The following SIPA1L3 variants were observed in gnomAD, a reference collection of about 807,000 sequenced individuals.
SIPA1L3 encodes signal induced proliferation associated 1 like 3.
A neutral mutation model predicts 150.1 loss-of-function variants in SIPA1L3; 59 were observed. The ratio of observed to expected loss-of-function variants is 0.39; its 90% CI spans 0.32 to 0.49. The LOEUF is 0.49. Among genes scored for constraint, SIPA1L3 ranks in the 20% least tolerant of loss-of-function variants. The pLI is 0.86. For missense variants in SIPA1L3, 2,211 were observed against 2,489.5 expected (o/e 0.89, Z 2.38); for synonymous variants, 1,070 against 1,077.6 (o/e 0.99, Z 0.14).
chr19:37,943,719 C>T (rs2046683075), intron 1 of SIPA1L3, among the ~76,000 whole-genome samples: 1 of 152,090 alleles, frequency 6.6e-6, no homozygotes, highest in Non-Finnish European at 1.5e-5. Flanking sequence ...AGGGAGCTCA[C>T]CACTCACAGG....
chr19:38,196,667 C>G (rs184711177), intron 18 of SIPA1L3, among the ~76,000 whole-genome samples: 1 of 145,146 alleles, frequency 6.9e-6, no homozygotes, highest in Non-Finnish European at 1.5e-5. Context: ...AGCAAGGAGG[C>G]CAAGGGTGGA....
chr19:38,001,144 T>G (rs1292362887), intron 1 of SIPA1L3, among the ~76,000 whole-genome samples: 1 of 151,756 alleles, frequency 6.6e-6, no homozygotes, highest in Non-Finnish European at 1.5e-5. Context: ...GAGCTTGGCT[T>G]CTGGGGAGGT....
At chr19:38,031,965 A>G (rs532689711) in intron 2 of SIPA1L3, among the ~76,000 whole-genome samples, 7 of 152,148 alleles carry the variant, frequency 4.6e-5, no homozygotes, top group Non-Finnish European at 8.8e-5. Flanking sequence ...AACAAAACAA[A>G]AATGCTACCT....
At chr19:37,952,322 G>A (rs2145555744) in intron 1 of SIPA1L3, among the ~76,000 whole-genome samples, 1 of 152,218 alleles carries the variant, frequency 6.6e-6, no homozygotes, top group South Asian at 2.1e-4. Flanking sequence ...ACTTGCAACC[G>A]AAAGAGTCCT....
chr19:37,946,427 A>G (rs1041001358), intron 1 of SIPA1L3, among the ~76,000 whole-genome samples: 1 of 152,170 alleles, frequency 6.6e-6, no homozygotes, highest in East Asian at 1.9e-4. Flanking sequence ...GCCACCATCC[A>G]TGGCCCAGAA....
chr19:38,024,999 AG>A (rs1968468574), intron 1 of SIPA1L3, among the ~76,000 whole-genome samples: 1 of 152,014 alleles, frequency 6.6e-6, no homozygotes, highest in African/African-American at 2.4e-5. Context: ...TGCCTTTCTC[AG>A]GTTTAACTTA....
intron 1 of SIPA1L3, among the ~76,000 whole-genome samples, chr19:37,913,791 CA>C (rs1324018513): frequency 1.3e-5 from 2 of 150,090 alleles, no homozygotes; most frequent in Non-Finnish European, 3.0e-5. Flanking sequence ...CTGAGGCGGG[CA>C]GATCACGAGG....
At position 38,202,036 on chromosome 19, in the gene SIPA1L3, G is replaced by A. The variant is rs749031436; in HGVS notation, c.5120+39G>A. ...GGGAACACCCGGGTTCATACCAGCG[G>A]CAGGCCTGTGCAGTGGAAGAGGCTT... On this transcript the variant is annotated intron_variant, in intron 20 of 21. Transcript: ENST00000222345. 7 of 1,562,188 alleles carry A rather than the reference G, an allele frequency of 4.5e-6. No homozygotes were observed. In the Admixed American group the frequency reaches 1.2e-4, roughly 26 times the overall value.
chr19:37,999,896 C>A (rs1008719101), intron 1 of SIPA1L3, among the ~76,000 whole-genome samples: 1 of 152,120 alleles, frequency 6.6e-6, no homozygotes, highest in African/African-American at 2.4e-5. Flanking sequence ...CAGTGTGGAC[C>A]AGGGGAAAGA....
At chr19:37,965,317 G>GTTTTTTTT (rs566071263) in intron 1 of SIPA1L3, among the ~76,000 whole-genome samples, 2 of 133,698 alleles carry the variant, frequency 1.5e-5, no homozygotes, top group African/African-American at 5.5e-5. Flanking sequence ...TATATTTCTA[G>GTTTTTTTT]TTTTTTTTTT....
At chr19:38,161,137 T>C (rs2145977621) in intron 13 of SIPA1L3, among the ~76,000 whole-genome samples, 1 of 150,074 alleles carries the variant, frequency 6.7e-6, no homozygotes, top group Non-Finnish European at 1.5e-5. Flanking sequence ...AGGTCAGGAG[T>C]TCGAGACCAG....
intron 8 of SIPA1L3, 72 bp from the exon 9 acceptor site, chr19:38,119,234 G>A: frequency 7.2e-7 from 1 of 1,389,636 alleles, no homozygotes; most frequent in Non-Finnish European, 9.9e-7. Flanking sequence ...CCTATTTTTT[G>A]ATCGAATATT....
intron 12 of SIPA1L3, among the ~76,000 whole-genome samples, chr19:38,143,542 C>CTTTTTTT (rs10669806): frequency 7.5e-5 from 6 of 79,986 alleles, no homozygotes; most frequent in Non-Finnish European, 8.8e-5. Flanking sequence ...CTTTCTGTGT[C>CTTTTTTT]TTTTTTTTTT....
At chr19:37,938,323 G>A (rs966609275) in intron 1 of SIPA1L3, among the ~76,000 whole-genome samples, 4 of 152,166 alleles carry the variant, frequency 2.6e-5, no homozygotes, top group Non-Finnish European at 5.9e-5. Flanking sequence ...ATTTCTTTCA[G>A]GTATGTACTG....
intron 21 of SIPA1L3, among the ~76,000 whole-genome samples, chr19:38,205,160 A>G (rs746438565): frequency 6.6e-6 from 1 of 152,096 alleles, no homozygotes; most frequent in South Asian, 2.1e-4. Context: ...ACTTGTCTCC[A>G]TGGGGCGGAA....
intron 2 of SIPA1L3, among the ~76,000 whole-genome samples, chr19:38,078,811 G>C (rs753109247): frequency 6.6e-6 from 1 of 152,160 alleles, no homozygotes; most frequent in African/African-American, 2.4e-5. Context: ...CACGGCTGCT[G>C]GGCAGTCAAC....
intron 1 of SIPA1L3, among the ~76,000 whole-genome samples, chr19:38,008,591 T>TC (rs1457353640): frequency 1.3e-5 from 2 of 151,822 alleles, no homozygotes; most frequent in Non-Finnish European, 2.9e-5. Flanking sequence ...TTCTTTTTTT[T>TC]CCCCTTAGAG....
intron 16 of SIPA1L3, 94 bp from the exon 17 acceptor site, chr19:38,192,051 G>A (rs528757548): frequency 1.4e-5 from 17 of 1,179,308 alleles, no homozygotes; most frequent in East Asian, 7.5e-5. Flanking sequence ...GTGGCCATGC[G>A]TCCCGTGGTG....
chr19:38,099,925 G>A (rs368356437), intron 4 of SIPA1L3, 37 bp from the exon 5 acceptor site: 34 of 1,527,430 alleles, frequency 2.2e-5, no homozygotes, highest in South Asian at 8.7e-5. Context: ...TTTAGGTCTC[G>A]AGAGCCCCCT....
Sources: allele counts gnomAD v4.1 joint callset (sites outside exome capture counted in the v4.1 genomes callset), GRCh38; gene constraint gnomAD v4.1.1; transcripts MANE v1.5; gene names NCBI Gene and HGNC (gene_info 2026-07-23, HGNC 2026-07-21).